The following SYTL3 variants were observed in gnomAD, a reference collection of about 807,000 sequenced individuals.
SYTL3 encodes synaptotagmin like 3.
Under a neutral mutation model 82.1 loss-of-function variants are expected in SYTL3, and 88 were observed. That is an observed-to-expected ratio of 1.07 (90% CI 0.90 to 1.28). The LOEUF (loss-of-function observed/expected upper bound fraction) is 1.28, where lower values mean the gene tolerates loss of function less well. SYTL3 is among the 50% of genes most tolerant of loss of function. The pLI is 0.00. For synonymous variants in SYTL3, 311 were observed against 289.4 expected (o/e 1.07, Z -0.76); for missense variants, 831 against 757.6 (o/e 1.10, Z -1.14).
At chr6:158,761,541 C>A (rs1789964242) in intron 15 of SYTL3, among the ~76,000 whole-genome samples, 1 of 152,096 alleles carries the variant, frequency 6.6e-6, no homozygotes, top group African/African-American at 2.4e-5. Context: ...ATCTCCTGAC[C>A]TCATGATCCG....
chr6:158,731,808 T>A lies in SYTL3; in HGVS notation c.855+6171T>A, dbSNP rs574398243. On this transcript the variant is annotated intron_variant, in intron 11 of 17. Transcript: ENST00000611299. ...CGGGGTTTCACCGTGTTAGCCAGGA[T>A]GATCTTGATCTCCTGACCTCATGAT... 3.9e-5 allele frequency among the ~76,000 whole-genome samples: 6 copies of A among 152,350 alleles called. No individual in the cohort carries two copies. In the East Asian group the frequency reaches 1.2e-3, roughly 29 times the overall value.
At chr6:158,659,046 G>A (rs560346975) in intron 2 of SYTL3, among the ~76,000 whole-genome samples, 1 of 152,200 alleles carries the variant, frequency 6.6e-6, no homozygotes, top group Non-Finnish European at 1.5e-5. Context: ...GAGTGACATG[G>A]TTTATAGAAG....
intron 6 of SYTL3, among the ~76,000 whole-genome samples, chr6:158,689,472 A>G (rs1321690777): frequency 6.6e-6 from 1 of 152,180 alleles, no homozygotes; most frequent in Non-Finnish European, 1.5e-5. Flanking sequence ...GTTGCATGTT[A>G]TCTTCCTAGT....
chr6:158,761,898 CAGCGCCACAGCCT>C (rs1790028092), intron 15 of SYTL3, among the ~76,000 whole-genome samples, 165 bp from the exon 16 acceptor site: 1 of 152,170 alleles, frequency 6.6e-6, no homozygotes, highest in South Asian at 2.1e-4. Context: ...ACGGTGTGGG[CAGCGCCACAGCCT>C]GTGGGCAGGG....
At chr6:158,756,773 AT>A (rs1789167042) in intron 13 of SYTL3, among the ~76,000 whole-genome samples, 2 of 38,032 alleles carry the variant, frequency 5.3e-5, no homozygotes, top group Non-Finnish European at 1.0e-4. Context: ...TGTTATCATT[AT>A]TTTTGGCCAA....
chr6:158,658,582 G>A (rs991522850), intron 2 of SYTL3, among the ~76,000 whole-genome samples: 2 of 152,242 alleles, frequency 1.3e-5, no homozygotes, highest in African/African-American at 2.4e-5. Context: ...CTCTTGGATC[G>A]TTGCAAAAAG....
chr6:158,692,140 C>G (rs1327061884), intron 6 of SYTL3, among the ~76,000 whole-genome samples: 2 of 147,650 alleles, frequency 1.4e-5, no homozygotes, highest in African/African-American at 4.9e-5. Context: ...CGCCTGTAGT[C>G]CCAGCTACTT....
At chr6:158,760,523 G>T in intron 14 of SYTL3, 117 bp from the exon 15 acceptor site, 1 of 816,788 alleles carries the variant, frequency 1.2e-6, no homozygotes, top group Non-Finnish European at 2.1e-6. Flanking sequence ...GCTCCACCCA[G>T]GGCCTTGCAG....
intron 14 of SYTL3, among the ~76,000 whole-genome samples, chr6:158,758,072 G>A (rs137957471): frequency 1.3e-5 from 2 of 152,280 alleles, no homozygotes; most frequent in East Asian, 1.9e-4. Context: ...GCTGTGTCCA[G>A]ATCCCGGACT....
At chr6:158,706,287 G>T (rs1036774213) in intron 6 of SYTL3, among the ~76,000 whole-genome samples, 2 of 152,146 alleles carry the variant, frequency 1.3e-5, no homozygotes, top group Non-Finnish European at 2.9e-5. Context: ...TCTAGGGGCT[G>T]CCTTCTTCCT....
At chr6:158,723,569 C>T (rs190244946) in intron 10 of SYTL3, among the ~76,000 whole-genome samples, 11 of 152,182 alleles carry the variant, frequency 7.2e-5, no homozygotes, top group Admixed American at 5.2e-4. Context: ...CCATCTGTGC[C>T]GTTTTAAGTG....
chr6:158,718,263 C>A (rs1783655584), intron 10 of SYTL3, 52 bp downstream of exon 10: 2 of 1,369,940 alleles, frequency 1.5e-6, no homozygotes, highest in East Asian at 5.7e-5. Context: ...TGTTGTCTTC[C>A]AGAACTTTCT....
chr6:158,662,466 A>T lies in SYTL3; in HGVS notation c.-519-284A>T, dbSNP rs1462062013. ...ATAATAGCCAACAGTTGGGAATGTC[A>T]TTTTTCCAGTATTTCTTCAATTAGG... On this transcript the variant is annotated intron_variant, in intron 3 of 17. Coordinates refer to ENST00000611299, the MANE Select transcript of SYTL3 (RefSeq NM_001242394.2). Among the ~76,000 whole-genome samples, 3 of 152,288 alleles carry T rather than the reference A, an allele frequency of 2.0e-5. No individual in the cohort carries two copies. In the East Asian group the frequency reaches 5.8e-4, roughly 29 times the overall value.
At position 158,718,167 on chromosome 6, in the gene SYTL3, G is replaced by A; in HGVS notation, c.676G>A (p.Glu226Lys). Residue 226 changes from glutamate to lysine, a missense_variant, in exon 10 of 18, where the codon GAG (glutamate) becomes AAG (lysine). Coordinates refer to ENST00000611299, the MANE Select transcript of SYTL3 (RefSeq NM_001242394.2). ...CCCCAGGCAGTGTGTGGGACAGACA[G>A]AGAGACGGAGCCAGTCTGACACTGC... is the stretch of plus-strand genomic sequence containing the variant. ...TGPRQCVGQTERRSQSDTAVN... is the reference protein window; with the variant it reads ...TGPRQCVGQTKRRSQSDTAVN... 1 of 1,545,888 alleles carries A rather than the reference G, an allele frequency of 6.5e-7. No individual in the cohort carries two copies. The highest frequency in any genetic ancestry group is 8.7e-7 in the Non-Finnish European group (1 of 1,144,656).
chr6:158,726,424 AG>A (rs1784724518), intron 11 of SYTL3: 1 of 206,284 alleles, frequency 4.8e-6, no homozygotes, highest in Non-Finnish European at 9.8e-6. Flanking sequence ...AACCAGTTCT[AG>A]GAGGTTTGCT....
chr6:158,708,705 T>C (rs560956520), intron 8 of SYTL3, among the ~76,000 whole-genome samples: 10 of 151,090 alleles, frequency 6.6e-5, no homozygotes, highest in Non-Finnish European at 1.2e-4. Context: ...GTGTAGAGTC[T>C]CTGGGGTCTA....
intron 2 of SYTL3, among the ~76,000 whole-genome samples, chr6:158,655,932 G>A (rs578210382): frequency 3.9e-5 from 6 of 152,300 alleles, no homozygotes; most frequent in Non-Finnish European, 7.4e-5. Context: ...GAGTGGGGCC[G>A]ATGCGTGGAA....
At position 158,662,475 on chromosome 6, in the gene SYTL3, G is replaced by A. The variant is rs1217767273; in HGVS notation, c.-519-275G>A. Reference sequence around the variant, plus strand: ...AACAGTTGGGAATGTCATTTTTCCAGTATTTCTTCAATTAGGGTAATGTAC... The same window carrying A: ...AACAGTTGGGAATGTCATTTTTCCAATATTTCTTCAATTAGGGTAATGTAC... On this transcript the variant is annotated intron_variant, in intron 3 of 17. Coordinates refer to ENST00000611299, the MANE Select transcript of SYTL3 (RefSeq NM_001242394.2). Among the ~76,000 whole-genome samples, 4 of 152,276 alleles carry A rather than the reference G, an allele frequency of 2.6e-5. No individual in the cohort carries two copies. The East Asian group carries it at 7.7e-4, about 29-fold the overall frequency.
intron 11 of SYTL3, among the ~76,000 whole-genome samples, chr6:158,741,349 G>A (rs902104149): frequency 2.6e-5 from 4 of 152,210 alleles, no homozygotes; most frequent in Non-Finnish European, 4.4e-5. Flanking sequence ...GACTACAAGC[G>A]TGAGCCACCA....
Sources: gnomAD v4.1 joint callset for allele counts (sites outside exome capture counted in the v4.1 genomes callset) on GRCh38, gnomAD v4.1.1 for gene constraint, MANE v1.5 for transcripts, NCBI Gene and HGNC (gene_info 2026-07-23, HGNC 2026-07-21) for gene names.